The following GOLPH3 variants were observed in gnomAD, a reference collection of about 807,000 sequenced individuals.
GOLPH3 encodes coat protein GPP34.
Under a neutral mutation model 28.5 loss-of-function variants are expected in GOLPH3, and 14 were observed. The ratio of observed to expected loss-of-function variants is 0.49; its 90% CI spans 0.32 to 0.77. The LOEUF is 0.77. GOLPH3 is among the 30% of genes least tolerant of loss of function. The pLI, the probability that GOLPH3 is intolerant of heterozygous loss-of-function variation, is 0.03. For synonymous variants in GOLPH3, 158 were observed against 159.2 expected (o/e 0.99, Z 0.06); for missense variants, 350 against 393.7 (o/e 0.89, Z 0.94).
At chr5:32,169,241 C>G (rs1299114238) in intron 1 of GOLPH3, among the ~76,000 whole-genome samples, 3 of 152,106 alleles carry the variant, frequency 2.0e-5, no homozygotes, top group Non-Finnish European at 4.4e-5. Flanking sequence ...AAGATCGCAC[C>G]ACTGCACTCC....
intron 2 of GOLPH3, among the ~76,000 whole-genome samples, chr5:32,140,818 A>T (rs1378346512): frequency 1.3e-5 from 2 of 151,724 alleles, no homozygotes; most frequent in Admixed American, 6.6e-5. Flanking sequence ...AAAAAAAAAA[A>T]AGGAAAAGAA....
chr5:32,132,281 T>G (rs1745840779), intron 3 of GOLPH3, among the ~76,000 whole-genome samples: 1 of 152,192 alleles, frequency 6.6e-6, no homozygotes, highest in African/African-American at 2.4e-5. Context: ...ATGTACAGTA[T>G]AAATAATAAT....
chr5:32,152,329 G>A (rs189243466), intron 1 of GOLPH3, among the ~76,000 whole-genome samples: 6 of 150,592 alleles, frequency 4.0e-5, no homozygotes, highest in East Asian at 2.0e-4. Flanking sequence ...GTTTCACTAC[G>A]TTGGCCAAGC....
intron 1 of GOLPH3, among the ~76,000 whole-genome samples, chr5:32,163,832 T>C (rs548209719): frequency 2.0e-5 from 3 of 152,178 alleles, no homozygotes; most frequent in Non-Finnish European, 4.4e-5. Context: ...AATGGTATAC[T>C]CCATTCAGTG....
intron 1 of GOLPH3, among the ~76,000 whole-genome samples, chr5:32,162,874 C>T (rs1347998611): frequency 6.6e-6 from 1 of 151,902 alleles, no homozygotes; most frequent in Non-Finnish European, 1.5e-5. Flanking sequence ...GTCAGGAGAT[C>T]AAGATTATAC....
At chr5:32,140,288 G>C (rs1028828800) in intron 2 of GOLPH3, among the ~76,000 whole-genome samples, 1 of 151,938 alleles carries the variant, frequency 6.6e-6, no homozygotes, top group African/African-American at 2.4e-5. Flanking sequence ...AGGATCACTT[G>C]AACCCAAGCG....
chr5:32,164,570 ATTT>A (rs561387595), intron 1 of GOLPH3, among the ~76,000 whole-genome samples: 112 of 151,558 alleles, frequency 7.4e-4, no homozygotes, highest in African/African-American at 2.6e-3. Context: ...ATTTCTTTGT[ATTT>A]TTTTAGTACA....
chr5:32,159,867 C>G (rs957013407), intron 1 of GOLPH3, among the ~76,000 whole-genome samples: 1 of 152,188 alleles, frequency 6.6e-6, no homozygotes, highest in African/African-American at 2.4e-5. Flanking sequence ...AGCCCCAGAG[C>G]TGTGACTCTA....
chr5:32,158,018 TAAAATACACACACACACAC>T (rs1746473989), intron 1 of GOLPH3, among the ~76,000 whole-genome samples: 1 of 26,960 alleles, frequency 3.7e-5, no homozygotes, highest in African/African-American at 1.4e-4. Flanking sequence ...AATAAATAAA[TAAAATACACACACACACAC>T]ACACACACAC....
chr5:32,150,087 TAGTAA>T (rs1351383807), intron 1 of GOLPH3, among the ~76,000 whole-genome samples: 1 of 152,106 alleles, frequency 6.6e-6, no homozygotes, highest in South Asian at 2.1e-4. Flanking sequence ...GATAGGAGTT[TAGTAA>T]AGTAGCCAGA....
intron 3 of GOLPH3, among the ~76,000 whole-genome samples, chr5:32,131,521 C>T (rs546770998): frequency 6.6e-6 from 1 of 152,250 alleles, no homozygotes; most frequent in East Asian, 1.9e-4. Flanking sequence ...GAAATAAATG[C>T]TTGATAAATG....
chr5:32,148,380 T>C (rs1746224959), intron 1 of GOLPH3, among the ~76,000 whole-genome samples: 1 of 152,250 alleles, frequency 6.6e-6, no homozygotes, highest in Non-Finnish European at 1.5e-5. Flanking sequence ...CATAAAGTAC[T>C]CAAAATAGTT....
At chr5:32,132,177 A>G (rs1205146635) in intron 3 of GOLPH3, among the ~76,000 whole-genome samples, 1 of 152,164 alleles carries the variant, frequency 6.6e-6, no homozygotes, top group Non-Finnish European at 1.5e-5. Flanking sequence ...AACAAACAAA[A>G]TACGTAGTCT....
chr5:32,152,127 CTT>C (rs201281003), intron 1 of GOLPH3, among the ~76,000 whole-genome samples: 1 of 147,284 alleles, frequency 6.8e-6, no homozygotes, highest in Admixed American at 6.8e-5. Context: ...CATATTTTAC[CTT>C]TTTTTTTTTC....
intron 3 of GOLPH3, among the ~76,000 whole-genome samples, chr5:32,129,501 T>C (rs1005837120): frequency 4.6e-5 from 7 of 152,144 alleles, no homozygotes; most frequent in African/African-American, 1.7e-4. Flanking sequence ...TCTAACCCTG[T>C]AGGAATTTAA....
In GOLPH3 at chr5:32,127,742, T is replaced by C. The variant is rs200863204; in HGVS notation, c.473-1106A>G. Among the ~76,000 whole-genome samples, 28 of 152,290 alleles carry C rather than the reference T, an allele frequency of 1.8e-4. No individual in the cohort carries two copies. In the East Asian group the frequency reaches 4.0e-3, roughly 22 times the overall value. ...CAGAGACACAATTATTTTCCTATAC[T>C]TAATACTAAACAACATAGGCCTATG... On this transcript the variant is annotated intron_variant, in intron 3 of 3. Coordinates refer to ENST00000265070, the MANE Select transcript of GOLPH3 (RefSeq NM_022130.4).
chr5:32,126,851 C>CA (rs1304037345), intron 3 of GOLPH3, among the ~76,000 whole-genome samples: 3 of 152,154 alleles, frequency 2.0e-5, no homozygotes, highest in Non-Finnish European at 4.4e-5. Context: ...AGGAGTCACT[C>CA]AGACGACTAA....
chr5:32,135,519 C>T, intron 3 of GOLPH3, 53 bp downstream of exon 3: 1 of 1,109,692 alleles, frequency 9.0e-7, no homozygotes, highest in Admixed American at 1.9e-5. Context: ...AGGATTTAAA[C>T]TTCGCAATCT....
In GOLPH3 at chr5:32,142,148, T is replaced by C. The variant is rs1342168327; in HGVS notation, c.357+1601A>G. Reference sequence around the variant, plus strand: ...GTCTCTGCCCGGCCGCCATCCCATCTAGGAAGTGAGGAGCGCCTCTTCCCG... The same window carrying C: ...GTCTCTGCCCGGCCGCCATCCCATCCAGGAAGTGAGGAGCGCCTCTTCCCG... On this transcript the variant is annotated intron_variant, in intron 2 of 3. Coordinates refer to ENST00000265070, the MANE Select transcript of GOLPH3 (RefSeq NM_022130.4). 3.5e-3 allele frequency among the ~76,000 whole-genome samples: 507 copies of C among 146,422 alleles called. 1 individual carries two copies. The highest frequency in any genetic ancestry group is 0.013 in the African/African-American group (491 of 38,940).
Sources: gnomAD v4.1 joint callset for allele counts (sites outside exome capture counted in the v4.1 genomes callset) on GRCh38, gnomAD v4.1.1 for gene constraint, MANE v1.5 for transcripts, NCBI Gene and HGNC (gene_info 2026-07-23, HGNC 2026-07-21) for gene names.